LINC00237: variants seen among roughly 807,000 people sequenced by gnomAD.
LINC00237 encodes the protein long independently transcribed non-coding RNA 237.
intron 1 of LINC00237, among the ~76,000 whole-genome samples, chr20:21,100,249 A>T (rs747469622): frequency 2.9e-4 from 44 of 152,220 alleles, no homozygotes; most frequent in Non-Finnish European, 6.2e-4. Context: ...TGGGAGGGGT[A>T]CAGGGGGCGG....
intron 1 of LINC00237, among the ~76,000 whole-genome samples, chr20:21,100,554 T>G (rs2030917779): frequency 6.6e-6 from 1 of 152,258 alleles, no homozygotes; most frequent in Non-Finnish European, 1.5e-5. Flanking sequence ...AGTTTTAACC[T>G]TTGGTTCCTG....
chr20:21,097,283 C>T (rs1340934981), intron 1 of LINC00237, among the ~76,000 whole-genome samples: 3 of 152,070 alleles, frequency 2.0e-5, no homozygotes, highest in African/African-American at 4.8e-5. Context: ...TTTATCTAAG[C>T]GGATCCTATT....
intron 2 of LINC00237, chr20:21,088,110 A>G (rs1353318065): frequency 6.6e-6 from 1 of 152,204 alleles, no homozygotes; most frequent in African/African-American, 2.4e-5. Context: ...TGTTTCCCAA[A>G]AGGCTCCTTG....
intron 3 of LINC00237, among the ~76,000 whole-genome samples, chr20:21,086,649 CTATA>C (rs1376918210): frequency 8.1e-6 from 1 of 124,106 alleles, no homozygotes; most frequent in Non-Finnish European, 1.6e-5. Context: ...ATATAGTATA[CTATA>C]TATGTATAGT....
chr20:21,096,860 C>G (rs576227509), intron 1 of LINC00237, among the ~76,000 whole-genome samples: 3 of 152,324 alleles, frequency 2.0e-5, no homozygotes, highest in South Asian at 4.1e-4. Flanking sequence ...TGCTTTCAAA[C>G]AGAGCCAGCC....
chr20:21,088,800 G>C (rs540716545), intron 2 of LINC00237, among the ~76,000 whole-genome samples: 1 of 151,908 alleles, frequency 6.6e-6, no homozygotes, highest in African/African-American at 2.4e-5. Context: ...ATAGATCTTT[G>C]AGCCATGGGC....
At chr20:21,103,688 C>T (rs1332143107) in intron 1 of LINC00237, among the ~76,000 whole-genome samples, 1 of 152,098 alleles carries the variant, frequency 6.6e-6, no homozygotes, top group African/African-American at 2.4e-5. Context: ...AAATGGTGTT[C>T]GGCAGCGGGG....
chr20:21,098,030 A>T (rs971121183), intron 1 of LINC00237, among the ~76,000 whole-genome samples: 1 of 152,212 alleles, frequency 6.6e-6, no homozygotes, highest in African/African-American at 2.4e-5. Flanking sequence ...TGCCTTGAAA[A>T]ATAGTCAAAC....
At chr20:21,094,320 G>A (rs1600311874) in intron 1 of LINC00237, among the ~76,000 whole-genome samples, 1 of 152,132 alleles carries the variant, frequency 6.6e-6, no homozygotes, top group African/African-American at 2.4e-5. Flanking sequence ...ACTCCACTAT[G>A]TACTCAAACT....
intron 1 of LINC00237, among the ~76,000 whole-genome samples, chr20:21,099,949 G>T (rs2030908139): frequency 6.6e-6 from 1 of 152,138 alleles, no homozygotes; most frequent in African/African-American, 2.4e-5. Context: ...CGGAGACAAA[G>T]GTCTCCAGGA....
chr20:21,102,147 GA>G (rs1483987769), intron 1 of LINC00237, among the ~76,000 whole-genome samples: 2 of 152,258 alleles, frequency 1.3e-5, no homozygotes, highest in Non-Finnish European at 2.9e-5. Context: ...TGCGAACAGA[GA>G]CCTGGCGAAT....
chr20:21,098,866 G>A (rs1408281211), intron 1 of LINC00237, among the ~76,000 whole-genome samples: 1 of 152,228 alleles, frequency 6.6e-6, no homozygotes, highest in Non-Finnish European at 1.5e-5. Flanking sequence ...CAGGTTGCAC[G>A]AATTAGAGCA....
intron 2 of LINC00237, among the ~76,000 whole-genome samples, chr20:21,092,346 GAGA>G (rs1411327994): frequency 6.6e-6 from 1 of 152,146 alleles, no homozygotes; most frequent in Non-Finnish European, 1.5e-5. Flanking sequence ...TTGGAACTCA[GAGA>G]AGGACAAAAA....
At chr20:21,094,229 A>G (rs1440507196) in intron 1 of LINC00237, among the ~76,000 whole-genome samples, 1 of 152,188 alleles carries the variant, frequency 6.6e-6, no homozygotes, top group Admixed American at 6.5e-5. Context: ...TCTTAACCCA[A>G]GGGCAGATAT....
rs2030896857 is a variant in LINC00237, at chr20:21,099,172, C to T, written n.89-5320G>A. 2.0e-5 allele frequency among the ~76,000 whole-genome samples: 3 copies of T among 152,168 alleles called. No individual in the cohort carries two copies. In the South Asian group the frequency reaches 6.2e-4, roughly 32 times the overall value. ...TAAACCTGTGCTTTCTGGGAAGTTG[C>T]TTTCAGGATGCGAGTGCACTGGCTG... is the stretch of plus-strand genomic sequence containing the variant. On this transcript the variant is annotated intron_variant and non_coding_transcript_variant, in intron 1 of 3. Coordinates refer to ENST00000691244, the Ensembl canonical transcript of LINC00237.
At chr20:21,092,239 G>A (rs2030802881) in intron 2 of LINC00237, among the ~76,000 whole-genome samples, 2 of 152,130 alleles carry the variant, frequency 1.3e-5, no homozygotes, top group South Asian at 2.1e-4. Flanking sequence ...TTTATTTCGG[G>A]GGGTACTATT....
chr20:21,088,004 C>T (rs188999919), exon 3 of LINC00237: 1 of 152,310 alleles, frequency 6.6e-6, no homozygotes, highest in African/African-American at 2.4e-5. Flanking sequence ...ACGTGTCCAG[C>T]TTCAAATTCA....
chr20:21,086,520 GATACA>G (rs1482888119), intron 3 of LINC00237, among the ~76,000 whole-genome samples: 4 of 141,892 alleles, frequency 2.8e-5, no homozygotes, highest in African/African-American at 1.0e-4. Context: ...TATCTATATA[GATACA>G]TATCTATATA....
Position 21,090,409 on chromosome 20 carries a change from G to A in LINC00237, n.473-2379C>T, listed in dbSNP as rs181260112. ...CAGTCTTCTCTAGAAATGACATGCA[G>A]TGCTTGAAACTGTTTATTTCCAAAT... On this transcript the variant is annotated intron_variant and non_coding_transcript_variant, in intron 2 of 3. Transcript: ENST00000691244. 2.6e-5 allele frequency: 4 copies of A among 152,282 alleles called. No individual in the cohort carries two copies. In the East Asian group the frequency reaches 7.7e-4, roughly 29 times the overall value. The allele number at this position is 152,282 out of a possible 1,614,324, so 9.4% of individuals were successfully genotyped here.
Sources: gnomAD v4.1 joint callset for allele counts (sites outside exome capture counted in the v4.1 genomes callset) on GRCh38, gnomAD v4.1.1 for gene constraint, MANE v1.5 for transcripts, NCBI Gene and HGNC (gene_info 2026-07-23, HGNC 2026-07-21) for gene names.